KIF16B: variants seen among roughly 807,000 people sequenced by gnomAD.
KIF16B encodes kinesin family member 16B, also known as kinesin-like protein KIF16B.
A neutral mutation model predicts 156.3 loss-of-function variants in KIF16B; 98 were observed. That is an observed-to-expected ratio of 0.63 (90% CI 0.53 to 0.74). KIF16B has a LOEUF of 0.74. KIF16B is among the 30% of genes least tolerant of loss of function. The pLI is 0.00. For missense variants in KIF16B, 1,421 were observed against 1,606.5 expected, an observed-to-expected ratio of 0.88 and a Z score of 1.97; for synonymous variants, 564 against 583.7, an observed-to-expected ratio of 0.97 and a Z score of 0.49.
chr20:16,353,284 GA>G (rs1426134923), intron 23 of KIF16B, among the ~76,000 whole-genome samples: 4 of 152,078 alleles, frequency 2.6e-5, no homozygotes, highest in Non-Finnish European at 4.4e-5. Flanking sequence ...GCCTACGCAT[GA>G]AATGTCCAAA....
chr20:16,375,791 A>G (rs777559221), intron 19 of KIF16B, among the ~76,000 whole-genome samples: 2 of 152,194 alleles, frequency 1.3e-5, no homozygotes, highest in Non-Finnish European at 2.9e-5. Flanking sequence ...CACAGGGCCA[A>G]TGGCCAGTGG....
At chr20:16,569,941 T>G (rs2122208875) in intron 1 of KIF16B, among the ~76,000 whole-genome samples, 1 of 152,252 alleles carries the variant, frequency 6.6e-6, no homozygotes, top group African/African-American at 2.4e-5. Context: ...AGTGTTAGGT[T>G]TCTTACAAAC....
intron 23 of KIF16B, among the ~76,000 whole-genome samples, chr20:16,356,021 G>GGT (rs1427456484): frequency 6.6e-6 from 1 of 152,168 alleles, no homozygotes; most frequent in East Asian, 1.9e-4. Flanking sequence ...GGTTTCCCAA[G>GGT]GTGTGAAACT....
chr20:16,376,775 C>G lies in KIF16B; in HGVS notation c.3197+2030G>C, dbSNP rs114136148. Among the ~76,000 whole-genome samples, 329 of 152,294 alleles carry G rather than the reference C, an allele frequency of 2.2e-3. 1 individual carries two copies. Among genetic ancestry groups the G allele is most frequent in the African/African-American group, 7.4e-3 (307 of 41,558 alleles). On this transcript the variant is annotated intron_variant, in intron 19 of 25. Transcript: ENST00000354981. ...AAAGCCAAGGACATCAAGCTAAAAG[C>G]TCATGCTGCATTCTTATTGCACACT...
chr20:16,388,526 C>T (rs1176248578), intron 17 of KIF16B, among the ~76,000 whole-genome samples: 1 of 152,082 alleles, frequency 6.6e-6, no homozygotes, highest in African/African-American at 2.4e-5. Context: ...AAGGAAACCA[C>T]AAAGAATGTA....
intron 22 of KIF16B, among the ~76,000 whole-genome samples, chr20:16,364,086 C>CA (rs1248314041): frequency 6.6e-6 from 1 of 152,114 alleles, no homozygotes; most frequent in African/African-American, 2.4e-5. Flanking sequence ...AGAATGTAAG[C>CA]AAAAATTACT....
At chr20:16,409,982 T>TATATGTAGGTAC (rs1600319218) in intron 15 of KIF16B, among the ~76,000 whole-genome samples, 16 of 55,556 alleles carry the variant, frequency 2.9e-4, no homozygotes, top group East Asian at 8.2e-4. Context: ...TATATATATA[T>TATATGTAGGTAC]ATATATATAT....
At chr20:16,541,594 C>G (rs1235561467) in intron 1 of KIF16B, among the ~76,000 whole-genome samples, 2 of 152,336 alleles carry the variant, frequency 1.3e-5, no homozygotes, top group East Asian at 3.9e-4. Context: ...CCTAGGGAAA[C>G]AGTAATAAAC....
chr20:16,298,306 T>C (rs914787282), intron 25 of KIF16B, among the ~76,000 whole-genome samples: 3 of 152,260 alleles, frequency 2.0e-5, no homozygotes, highest in African/African-American at 7.2e-5. Context: ...CCTGCAGTTA[T>C]GACAGTCTCC....
intron 10 of KIF16B, among the ~76,000 whole-genome samples, chr20:16,501,917 C>G (rs991927598): frequency 8.5e-5 from 13 of 152,220 alleles, no homozygotes; most frequent in Admixed American, 3.9e-4. Context: ...TGTACTGTCT[C>G]TTAAGAAGCA....
At chr20:16,367,738 T>G in intron 22 of KIF16B, 1 of 1,612,502 alleles carries the variant, frequency 6.2e-7, no homozygotes, top group Non-Finnish European at 8.5e-7. Flanking sequence ...AAGAGAAAGC[T>G]GAACCAGATC....
chr20:16,486,993 C>A (rs2068135474), intron 12 of KIF16B, among the ~76,000 whole-genome samples: 1 of 152,116 alleles, frequency 6.6e-6, no homozygotes, highest in South Asian at 2.1e-4. Flanking sequence ...ATGGCTCACA[C>A]CTATAATCTC....
intron 14 of KIF16B, among the ~76,000 whole-genome samples, 169 bp from the exon 15 acceptor site, chr20:16,427,410 C>G (rs2066385023): frequency 6.6e-6 from 1 of 152,092 alleles, no homozygotes; most frequent in South Asian, 2.1e-4. Context: ...ACTTCAGGAG[C>G]TCATGACGTT....
intron 12 of KIF16B, among the ~76,000 whole-genome samples, chr20:16,472,742 G>A (rs141943692): frequency 8.2e-4 from 124 of 152,048 alleles, no homozygotes; most frequent in African/African-American, 2.9e-3. Context: ...CAAACCTCTC[G>A]GCTGACTGAC....
intron 25 of KIF16B, among the ~76,000 whole-genome samples, chr20:16,276,612 T>A (rs1448868811): frequency 6.6e-6 from 1 of 152,200 alleles, no homozygotes; most frequent in East Asian, 1.9e-4. Flanking sequence ...CTAAAGTCTG[T>A]TAAGATGAGG....
intron 12 of KIF16B, among the ~76,000 whole-genome samples, chr20:16,478,966 GA>G (rs1423581959): frequency 3.3e-5 from 5 of 152,124 alleles, no homozygotes; most frequent in African/African-American, 1.2e-4. Flanking sequence ...ACACCTAACA[GA>G]AACATGTGCA....
At position 16,342,004 on chromosome 20, in the gene KIF16B, C is replaced by G. The variant is rs192261623; in HGVS notation, c.3622-5989G>C. ...GTCTTCTGAACGGCCTCCTCAACCA[C>G]ACACCCCTTTCTGTACCTGGAGAGC... On this transcript the variant is annotated intron_variant, in intron 23 of 25. Transcript: ENST00000354981. Among the ~76,000 whole-genome samples, 428 of 152,270 alleles carry G rather than the reference C, an allele frequency of 2.8e-3. 2 individuals are homozygous for G. The highest frequency in any genetic ancestry group is 7.7e-3 in the Admixed American group (118 of 15,296).
chr20:16,456,404 TA>T (rs2067214208), intron 12 of KIF16B, among the ~76,000 whole-genome samples: 2 of 152,154 alleles, frequency 1.3e-5, no homozygotes, highest in Admixed American at 1.3e-4. Flanking sequence ...ATATCCTTGC[TA>T]AAAATAGTCC....
At chr20:16,568,852 A>T (rs866187642) in intron 1 of KIF16B, among the ~76,000 whole-genome samples, 1,222 of 118,128 alleles carry the variant, frequency 0.01, 16 homozygotes, top group Middle Eastern at 0.014. Context: ...AAAAAAAAAA[A>T]GGCATAGCTG....
Sources: gnomAD v4.1 joint callset for allele counts (sites outside exome capture counted in the v4.1 genomes callset) on GRCh38, gnomAD v4.1.1 for gene constraint, MANE v1.5 for transcripts, NCBI Gene and HGNC (gene_info 2026-07-23, HGNC 2026-07-21) for gene names.